Variants in DSG1 observed in about 807,000 individuals in gnomAD.
The protein encoded by DSG1 is desmoglein-1.
DSG1 carries 39 observed loss-of-function variants against 97.5 expected under a neutral mutation model. The ratio of observed to expected loss-of-function variants is 0.40; its 90% CI spans 0.31 to 0.52. The LOEUF is 0.52. DSG1 is among the 20% of genes least tolerant of loss of function. The pLI is 0.53. For missense variants in DSG1, 1,311 were observed against 1,295.4 expected (o/e 1.01, Z -0.18); for synonymous variants, 475 against 443.4 (o/e 1.07, Z -0.90).
intron 8 of DSG1, 52 bp downstream of exon 8, chr18:31,334,254 G>A: frequency 3.1e-6 from 4 of 1,291,506 alleles, no homozygotes. Context: ...TTTTCAAAAT[G>A]TTAAACTTAA....
At chr18:31,330,747 T>C (rs1220497839) in intron 5 of DSG1, among the ~76,000 whole-genome samples, 2 of 152,144 alleles carry the variant, frequency 1.3e-5, no homozygotes, top group African/African-American at 4.8e-5. Context: ...TGTTACATGC[T>C]AATCCACAAC....
At chr18:31,343,376 A>G in intron 11 of DSG1, 74 bp from the exon 12 acceptor site, 3 of 1,596,070 alleles carry the variant, frequency 1.9e-6, no homozygotes, top group East Asian at 4.5e-5. Flanking sequence ...AAATTTAACC[A>G]TAAAAAATCA....
chr18:31,336,686 A>G lies in DSG1; in HGVS notation c.1265+73A>G, dbSNP rs16961657. ...TACATATGTTCTTTTTATAGATTATAAGTATCTGAGTTAAAATACTTTTCA... is the reference window on the plus strand; with the variant it reads ...TACATATGTTCTTTTTATAGATTATGAGTATCTGAGTTAAAATACTTTTCA... On this transcript the variant is annotated intron_variant, in intron 9 of 14. Transcript: ENST00000257192. The G allele has an allele frequency of 0.057, 83,357 of 1,454,908 alleles. 5,823 individuals carry two copies. Among genetic ancestry groups the G allele is most frequent in the African/African-American group, 0.35 (24,472 of 70,848 alleles). The allele number at this position is 1,454,908 out of a possible 1,614,324, so 90.1% of individuals were successfully genotyped here. A position where few individuals can be genotyped will look rare whatever the true frequency, so the allele number is the denominator to read the frequency against.
chr18:31,330,994 G>A (rs2071717268), intron 5 of DSG1, among the ~76,000 whole-genome samples: 1 of 152,036 alleles, frequency 6.6e-6, no homozygotes, highest in Non-Finnish European at 1.5e-5. Context: ...GGAGAGTAGA[G>A]AACAATTCCA....
In DSG1 at chr18:31,357,334, A is replaced by T. The variant is rs541879802; in HGVS notation, c.*1988A>T. ...TTCTTTTTCTGACACTTAGGGGGCC[A>T]CATTAAGGATGGGTAATCTTTCCAG... On this transcript the variant is annotated 3_prime_UTR_variant, in exon 15 of 15. Transcript: ENST00000257192. Among the ~76,000 whole-genome samples the T allele has an allele frequency of 6.6e-6, 1 of 152,214 alleles. No homozygotes were observed. The highest frequency in any genetic ancestry group is 2.4e-5 in the African/African-American group (1 of 41,584).
chr18:31,327,011 T>C lies in DSG1; in HGVS notation c.216+6T>C. On this transcript the variant is annotated splice_donor_region_variant and intron_variant, in intron 3 of 14. Transcript: ENST00000257192. ...AGAGGAACCCAATCGCCAAAGTAGGTATCAACTCCAAAGCATAACATTGAA... is the reference window on the plus strand; with the variant it reads ...AGAGGAACCCAATCGCCAAAGTAGGCATCAACTCCAAAGCATAACATTGAA... 1 of 1,613,390 alleles carries C rather than the reference T, an allele frequency of 6.2e-7. No homozygotes were observed. Among genetic ancestry groups the C allele is most frequent in the South Asian group, 1.1e-5 (1 of 91,056 alleles).
chr18:31,322,733 C>T lies in DSG1; in HGVS notation c.49-3848C>T, dbSNP rs563929018. On this transcript the variant is annotated intron_variant, in intron 1 of 14. Transcript: ENST00000257192. ...ATTAGAATTGAATGCTTAACAAAAA[C>T]GTAACAATTATGTTAGAATTCAACG... Among the ~76,000 whole-genome samples the T allele has an allele frequency of 9.9e-5, 15 of 152,238 alleles. 1 individual carries two copies. The highest frequency in any genetic ancestry group is 6.2e-4 in the South Asian group (3 of 4,820).
In DSG1 at chr18:31,354,711, G is replaced by C. The variant is rs181411154; in HGVS notation, c.2515G>C (p.Glu839Gln). 6.2e-7 allele frequency: 1 copy of C among 1,614,064 alleles called. No individual in the cohort carries two copies. Among genetic ancestry groups the C allele is most frequent in the Admixed American group, 1.7e-5 (1 of 60,006 alleles). Residue 839 changes from glutamate to glutamine, a missense_variant, in exon 15 of 15, where the codon GAG (glutamate) becomes CAG (glutamine). Glu to Gln is a conservative substitution (Grantham distance 29). Coordinates refer to ENST00000257192, the MANE Select transcript of DSG1 (RefSeq NM_001942.4). ...GGGCTATGGTAATGTCACTGTGACC[G>C]AGTCTTACACCACCTCTGACACTCT... ...PLGYGNVTVT[E>Q]SYTTSDTLKP...
At position 31,330,009 on chromosome 18, in the gene DSG1, G is replaced by A. The variant is rs1174960736; in HGVS notation, c.490G>A (p.Gly164Arg). 3 of 1,613,156 alleles carry A rather than the reference G, an allele frequency of 1.9e-6. No homozygotes were observed. Among genetic ancestry groups the A allele is most frequent in the Middle Eastern group, 1.7e-4 (1 of 6,056 alleles). Residue 164 changes from glycine (G) to arginine (R), a missense_variant, in exon 5 of 15, where the codon GGA (glycine) becomes AGA (arginine). By Grantham distance (125) the Gly-to-Arg change is moderately radical. Transcript: ENST00000257192. ...AGTGTTTTCAATGGCTACATTTGCA[G>A]GACAAATAGAAGAAAATTCTAATGC... ...PPVFSMATFA[G>R]QIEENSNANT...
intron 7 of DSG1, 100 bp from the exon 8 acceptor site, chr18:31,333,917 C>A (rs2071735897): frequency 1.7e-6 from 2 of 1,144,116 alleles, no homozygotes; most frequent in Non-Finnish European, 2.6e-6. Context: ...CCACAGATAT[C>A]TTTTCTAAAT....
chr18:31,354,882 G>C lies in DSG1; in HGVS notation c.2686G>C (p.Glu896Gln). 1 of 1,614,202 alleles carries C rather than the reference G, an allele frequency of 6.2e-7. No individual in the cohort carries two copies. The highest frequency in any genetic ancestry group is 8.5e-7 in the Non-Finnish European group (1 of 1,180,032). Residue 896 changes from glutamate to glutamine, a missense_variant, in exon 15 of 15, where the codon GAA (glutamate) becomes CAA (glutamine). Physicochemically the swap from Glu to Gln is conservative, Grantham distance 29. Transcript: ENST00000257192. ...AGATGGGTCGAATGTTATAGTGACA[G>C]AAAGGGTAATAGCACCAAGCTCTAG... ...LRDGSNVIVT[E>Q]RVIAPSSSLP...
intron 1 of DSG1, among the ~76,000 whole-genome samples, 156 bp downstream of exon 1, chr18:31,318,504 A>G (rs1265305778): frequency 1.3e-5 from 2 of 152,146 alleles, no homozygotes; most frequent in Non-Finnish European, 2.9e-5. Flanking sequence ...TTTCAATAGC[A>G]TTTCTCTCTT....
chr18:31,338,504 C>G, intron 10 of DSG1, 50 bp downstream of exon 10: 2 of 1,578,142 alleles, frequency 1.3e-6, no homozygotes, highest in Non-Finnish European at 1.7e-6. Flanking sequence ...GCTGTATATA[C>G]CTTAAGATAT....
In DSG1 at chr18:31,354,529, A is replaced by G. The variant is rs768595469; in HGVS notation, c.2333A>G (p.Gln778Arg). 6 of 1,614,136 alleles carry G rather than the reference A, an allele frequency of 3.7e-6. No homozygotes were observed. The highest frequency in any genetic ancestry group is 5.1e-6 in the Non-Finnish European group (6 of 1,180,018). Residue 778 changes from glutamine (Q) to arginine (R), a missense_variant, in exon 15 of 15, where the codon CAA becomes CGA. Gln to Arg is a conservative substitution (Grantham distance 43, BLOSUM62 1). Around this residue, in one of 3 missense-constraint regions of DSG1, gnomAD observed 1,038 missense variants for 964.6 expected, o/e 1.08. Transcript: ENST00000257192. ...YPDLDPSWPPQSTEPVCLPQE... is the reference protein window; with the variant it reads ...YPDLDPSWPPRSTEPVCLPQE... Reference sequence around the variant, plus strand: ...GACCTTGATCCTTCTTGGCCACCACAAAGCACTGAACCAGTTTGCCTTCCT... The same window carrying G: ...GACCTTGATCCTTCTTGGCCACCACGAAGCACTGAACCAGTTTGCCTTCCT...
In DSG1 at chr18:31,343,559, A is replaced by G. The variant is rs1029828163; in HGVS notation, c.1797A>G (p.Val599=). ...ATGGAGCAATTCATTCATGGGCAGT[A>G]GAAGGACCACAGCCTGAACCCAGGG... is the stretch of plus-strand genomic sequence containing the variant. ...CSDGAIHSWA[V]EGPQPEPRDI... is the part of the protein sequence containing the mutation. The change falls in exon 12 of 15, where the codon GTA becomes GTG. Residue 599 remains valine (V), a synonymous_variant. Transcript: ENST00000257192. The G allele has an allele frequency of 7.4e-6, 12 of 1,614,040 alleles. No homozygotes were observed. Among genetic ancestry groups the G allele is most frequent in the Non-Finnish European group, 1.0e-5 (12 of 1,180,030 alleles).
chr18:31,322,357 C>T (rs2071659889), intron 1 of DSG1, among the ~76,000 whole-genome samples: 1 of 152,194 alleles, frequency 6.6e-6, no homozygotes, highest in Non-Finnish European at 1.5e-5. Flanking sequence ...AATTATCACG[C>T]TATTAAACAT....
At chr18:31,329,223 C>G (rs1333344161) in intron 4 of DSG1, among the ~76,000 whole-genome samples, 1 of 152,016 alleles carries the variant, frequency 6.6e-6, no homozygotes, top group Non-Finnish European at 1.5e-5. Flanking sequence ...CTTGGCTACT[C>G]CCATTTCTCT....
At position 31,355,135 on chromosome 18, in the gene DSG1, T is replaced by C. The variant is rs1328653130; in HGVS notation, c.2939T>C (p.Val980Ala). The C allele has an allele frequency of 6.2e-7, 1 of 1,612,544 alleles. No homozygotes were observed. The highest frequency in any genetic ancestry group is 8.5e-7 in the Non-Finnish European group (1 of 1,178,902). Residue 980 changes from valine (V) to alanine (A), a missense_variant, in exon 15 of 15, where the codon GTT (valine) becomes GCT (alanine). By Grantham distance (64) the Val-to-Ala change is moderately conservative. Around this residue, in one of 3 missense-constraint regions of DSG1, gnomAD observed 1,038 missense variants for 964.6 expected, o/e 1.08. Transcript: ENST00000257192. ...GGTGGCATAGGCAGCAGTGGCCTGG[T>C]TGGCACCAGCATGGGTGCTGGGAGC... The part of the protein sequence containing the change: ...ISGGIGSSGL[V>A]GTSMGAGSGA...
At chr18:31,320,448 A>G (rs2071646665) in intron 1 of DSG1, among the ~76,000 whole-genome samples, 2 of 152,094 alleles carry the variant, frequency 1.3e-5, no homozygotes, top group South Asian at 2.1e-4. Context: ...CTGGGTAACT[A>G]TTTGTTTGCA....
Sources: allele counts gnomAD v4.1 joint callset (sites outside exome capture counted in the v4.1 genomes callset), GRCh38; gene constraint gnomAD v4.1.1; regional missense constraint gnomAD v4.1.1; transcripts MANE v1.5; gene names NCBI Gene and HGNC (gene_info 2026-07-23, HGNC 2026-07-21).